Variants in MYO18B observed in about 807,000 individuals in gnomAD.
MYO18B encodes the protein unconventional myosin-XVIIIb.
MYO18B carries 204 observed loss-of-function variants against 273.0 expected under a neutral mutation model. The observed-to-expected ratio is 0.75, with a 90% CI of 0.67 to 0.84. The LOEUF (loss-of-function observed/expected upper bound fraction) is 0.84. MYO18B is among the 40% of genes least tolerant of loss of function. The pLI, the probability that MYO18B is intolerant of heterozygous loss-of-function variation, is 0.00. For missense variants in MYO18B, 3,212 were observed against 3,287.6 expected (o/e 0.98, Z 0.56); for synonymous variants, 1,330 against 1,305.7 (o/e 1.02, Z -0.40).
At chr22:25,987,904 A>G (rs1013608522) in intron 39 of MYO18B, among the ~76,000 whole-genome samples, 3 of 152,158 alleles carry the variant, frequency 2.0e-5, no homozygotes, top group Non-Finnish European at 4.4e-5. Flanking sequence ...TCTGCTATCT[A>G]TGCATCTAAC....
chr22:25,925,437 A>G (rs111923724), intron 34 of MYO18B, among the ~76,000 whole-genome samples: 10 of 152,266 alleles, frequency 6.6e-5, no homozygotes, highest in African/African-American at 2.4e-4. Flanking sequence ...ATTTCCCCCT[A>G]TTTTAAAATT....
At chr22:25,838,384 G>A (rs919479267) in intron 17 of MYO18B, among the ~76,000 whole-genome samples, 2 of 152,038 alleles carry the variant, frequency 1.3e-5, no homozygotes, top group Admixed American at 1.3e-4. Context: ...ATTTTTAATA[G>A]AGATGGGGTG....
At position 26,026,382 on chromosome 22, in the gene MYO18B, C is replaced by T; in HGVS notation, c.6471-63C>T. 18 of 1,534,198 alleles carry T rather than the reference C, an allele frequency of 1.2e-5. No homozygotes were observed. In the South Asian group the frequency reaches 2.2e-4, roughly 19 times the overall value. ...GTGCCTGTGCTTAGGGGCTCTCACA[C>T]CGATTGCACAAATTGTATGAATTGC... On this transcript the variant is annotated intron_variant, in intron 42 of 43. Coordinates refer to ENST00000335473, the MANE Select transcript of MYO18B (RefSeq NM_032608.7).
At chr22:25,842,229 C>A (rs937315875) in intron 17 of MYO18B, among the ~76,000 whole-genome samples, 1 of 152,206 alleles carries the variant, frequency 6.6e-6, no homozygotes. Flanking sequence ...TCCTAGCTTA[C>A]TGGAGTTTAG....
chr22:26,042,443 G>C, the MYO18B span, among the ~76,000 whole-genome samples: 13 of 152,204 alleles, frequency 8.5e-5, no homozygotes, highest in Non-Finnish European at 1.5e-4. Context: ...AGACTGTTTG[G>C]GGGAGCCCAG....
At chr22:25,909,762 G>A (rs1215045994) in intron 32 of MYO18B, among the ~76,000 whole-genome samples, 2 of 152,124 alleles carry the variant, frequency 1.3e-5, no homozygotes, top group African/African-American at 4.8e-5. Flanking sequence ...TCTCATTCTG[G>A]TGACTGCTCT....
intron 12 of MYO18B, among the ~76,000 whole-genome samples, chr22:25,800,341 G>T (rs59303447): frequency 6.6e-6 from 1 of 152,116 alleles, no homozygotes; most frequent in African/African-American, 2.4e-5. Context: ...AAAATCAGCC[G>T]TGGGCCATGC....
chr22:25,926,549 C>T (rs2092424252), intron 34 of MYO18B, among the ~76,000 whole-genome samples: 1 of 152,154 alleles, frequency 6.6e-6, no homozygotes, highest in Non-Finnish European at 1.5e-5. Context: ...CCCACCTCAG[C>T]CTCCCAAAGT....
intron 12 of MYO18B, among the ~76,000 whole-genome samples, chr22:25,812,489 C>T (rs2088809674): frequency 6.7e-6 from 1 of 150,238 alleles, no homozygotes; most frequent in East Asian, 1.9e-4. Flanking sequence ...GAGTTGGTAT[C>T]TGGGACCCAG....
At chr22:25,846,413 C>T (rs1286802496) in intron 19 of MYO18B, 130 bp downstream of exon 19, 23 of 1,012,190 alleles carry the variant, frequency 2.3e-5, no homozygotes, top group Admixed American at 1.4e-4. Context: ...TGTCACCCCA[C>T]GCTCCACAGA....
intron 37 of MYO18B, among the ~76,000 whole-genome samples, chr22:25,950,690 G>A (rs1460399539): frequency 6.6e-6 from 1 of 152,094 alleles, no homozygotes; most frequent in Admixed American, 6.5e-5. Flanking sequence ...TCCCGCCTCA[G>A]CCTCCCAAGT....
the MYO18B span, among the ~76,000 whole-genome samples, chr22:26,053,303 C>A: frequency 6.6e-6 from 1 of 152,154 alleles, no homozygotes; most frequent in Non-Finnish European, 1.5e-5. Context: ...AAACACATTT[C>A]TGTGAAAGAT....
chr22:26,029,043 T>A (rs1936507829), intron 43 of MYO18B, among the ~76,000 whole-genome samples: 1 of 152,158 alleles, frequency 6.6e-6, no homozygotes, highest in Non-Finnish European at 1.5e-5. Flanking sequence ...ATCAGAAAGA[T>A]TAAAGTCACT....
At chr22:25,752,692 G>A (rs1433998188) in intron 1 of MYO18B, among the ~76,000 whole-genome samples, 1 of 152,176 alleles carries the variant, frequency 6.6e-6, no homozygotes, top group Non-Finnish European at 1.5e-5. Context: ...GGGGTTGAGA[G>A]GTGACAACAT....
chr22:26,001,845 G>T (rs1933981194), intron 40 of MYO18B, among the ~76,000 whole-genome samples: 1 of 152,228 alleles, frequency 6.6e-6, no homozygotes, highest in Non-Finnish European at 1.5e-5. Flanking sequence ...TACTCATGGA[G>T]TCAGCCAGGG....
intron 22 of MYO18B, among the ~76,000 whole-genome samples, chr22:25,871,978 A>AT (rs3216853): frequency 5.2e-4 from 79 of 151,052 alleles, no homozygotes; most frequent in East Asian, 2.1e-3. Flanking sequence ...TTGATCATTG[A>AT]TTTTTTTTTT....
At chr22:25,786,746 G>A (rs980989040) in intron 11 of MYO18B, among the ~76,000 whole-genome samples, 1 of 152,132 alleles carries the variant, frequency 6.6e-6, no homozygotes, top group African/African-American at 2.4e-5. Flanking sequence ...GCAAGCCACC[G>A]ACTGGGAGAA....
In MYO18B at chr22:26,027,663, A is replaced by G. The variant is rs2147026606; in HGVS notation, c.7689A>G (p.Lys2563=). The G allele has an allele frequency of 6.2e-7, 1 of 1,611,828 alleles. No individual in the cohort carries two copies. The highest frequency in any genetic ancestry group is 8.5e-7 in the Non-Finnish European group (1 of 1,178,790). The part of the protein sequence containing the change: ...KDDDVASIMK[K]YLQK ...ACGATGTTGCGAGCATAATGAAGAA[A>G]TACCTCCAGAAGTAGGAACCAGTTC... Residue 2563 remains lysine, a synonymous_variant, in exon 43 of 44, where the codon AAA becomes AAG. Coordinates refer to ENST00000335473, the MANE Select transcript of MYO18B (RefSeq NM_032608.7). The surrounding 1 kb of genome is among the most constrained non-coding windows in gnomAD (Gnocchi z 4.1).
intron 33 of MYO18B, among the ~76,000 whole-genome samples, chr22:25,920,725 A>G (rs1173464120): frequency 6.6e-6 from 1 of 152,248 alleles, no homozygotes; most frequent in Non-Finnish European, 1.5e-5. Flanking sequence ...TCCCACGTGT[A>G]CAGCTCAGTG....
Sources: gnomAD v4.1 joint callset for allele counts (sites outside exome capture counted in the v4.1 genomes callset) on GRCh38, gnomAD v4.1.1 for gene constraint, Gnocchi (gnomAD v3.1) non-coding constraint, MANE v1.5 for transcripts, NCBI Gene and HGNC (gene_info 2026-07-23, HGNC 2026-07-21) for gene names.